Variants in RMI1 observed in about 807,000 individuals in gnomAD.
RMI1 encodes the protein recQ-mediated genome instability protein 1.
A neutral mutation model predicts 46.7 loss-of-function variants in RMI1; 36 were observed. That is an observed-to-expected ratio of 0.77 (90% confidence interval 0.59 to 1.02). The LOEUF is 1.02. Ranked by LOEUF, RMI1 falls within the 50% of genes least tolerant of loss-of-function variation. The pLI, the probability that RMI1 is intolerant of heterozygous loss-of-function variation, is 0.00. For missense variants in RMI1, 676 were observed against 713.7 expected, an observed-to-expected ratio of 0.95 and a Z score of 0.60; for synonymous variants, 250 against 252.9, an observed-to-expected ratio of 0.99 and a Z score of 0.11.
intron 1 of RMI1, among the ~76,000 whole-genome samples, chr9:83,987,649 A>G (rs1475525343): frequency 6.6e-6 from 1 of 152,146 alleles, no homozygotes; most frequent in African/African-American, 2.4e-5. Context: ...TGCCCCTTGT[A>G]GTCAACCTCT....
intron 1 of RMI1, among the ~76,000 whole-genome samples, chr9:83,988,702 G>A (rs184421656): frequency 6.6e-6 from 1 of 152,272 alleles, no homozygotes; most frequent in East Asian, 1.9e-4. Context: ...ACTTGGTATT[G>A]TCAGTTATTT....
chr9:83,992,326 G>A (rs747514351), intron 1 of RMI1, among the ~76,000 whole-genome samples: 5 of 152,150 alleles, frequency 3.3e-5, no homozygotes, highest in Non-Finnish European at 7.4e-5. Context: ...ACAGCCAACA[G>A]TGCTGTAACT....
intron 1 of RMI1, among the ~76,000 whole-genome samples, chr9:83,994,710 G>C (rs914777372): frequency 1.6e-4 from 25 of 152,012 alleles, no homozygotes; most frequent in Non-Finnish European, 3.5e-4. Context: ...GTAGAGATGG[G>C]GTTTTGTCAT....
Position 84,001,089 on chromosome 9 carries a change from C to T in RMI1, c.103C>T (p.Gln35Ter). The change falls in exon 3 of 3, where the codon CAA becomes TAA. Residue 35 changes from glutamine (Q) to a stop codon, truncating the protein, a stop_gained. Coordinates refer to ENST00000445877, the MANE Select transcript of RMI1 (RefSeq NM_001358291.2). LOFTEE classifies it high-confidence loss of function. The part of the protein sequence containing the change: ...MWLEACINWI[Q>*]EENNNVNLSQ... ...GCTGGAAGCTTGTATTAACTGGATTCAAGAAGAAAATAATAATGTTAACTT... is the reference window on the plus strand; with the variant it reads ...GCTGGAAGCTTGTATTAACTGGATTTAAGAAGAAAATAATAATGTTAACTT... The T allele has an allele frequency of 6.2e-7, 1 of 1,614,018 alleles. No individual in the cohort carries two copies. The highest frequency in any genetic ancestry group is 8.5e-7 in the Non-Finnish European group (1 of 1,179,966).
chr9:83,994,303 G>A (rs1185883298), intron 1 of RMI1, among the ~76,000 whole-genome samples: 2 of 152,068 alleles, frequency 1.3e-5, no homozygotes, highest in Non-Finnish European at 1.5e-5. Context: ...TCAGTTTGAT[G>A]TAGTCCCATT....
intron 1 of RMI1, among the ~76,000 whole-genome samples, chr9:83,988,240 C>T (rs1957520629): frequency 6.6e-6 from 1 of 152,128 alleles, no homozygotes; most frequent in African/African-American, 2.4e-5. Context: ...AAATACCTTG[C>T]AGTTGCATTG....
intron 1 of RMI1, among the ~76,000 whole-genome samples, chr9:83,988,762 C>T (rs1042305056): frequency 1.5e-4 from 23 of 152,156 alleles, no homozygotes; most frequent in African/African-American, 4.8e-4. Context: ...TTTTGCATTT[C>T]CCTGATGTCT....
Position 84,001,384 on chromosome 9 carries a change from G to A in RMI1, c.398G>A (p.Arg133Gln), listed in dbSNP as rs746682840. The change falls in exon 3 of 3, where the codon CGA (arginine) becomes CAA (glutamine). Residue 133 changes from arginine (R) to glutamine (Q), a missense_variant. Arg to Gln is a conservative substitution (Grantham distance 43). Transcript: ENST00000445877. Reference sequence around the variant, plus strand: ...AAACCTTGGGAAGCAAAGCCTTCACGAATGTTGATGCTGCAGCTAACTGAT... The same window carrying A: ...AAACCTTGGGAAGCAAAGCCTTCACAAATGTTGATGCTGCAGCTAACTGAT... ...TPKPWEAKPS[R>Q]MLMLQLTDGI... is the part of the protein sequence containing the mutation. The A allele has an allele frequency of 5.6e-5, 90 of 1,614,000 alleles. No homozygotes were observed. The highest frequency in any genetic ancestry group is 7.0e-5 in the Non-Finnish European group (83 of 1,180,012).
rs1409542106 is a variant in RMI1 at position 84,001,488 on chromosome 9, T to C, written c.502T>C (p.Leu168=). The change falls in exon 3 of 3, where the codon TTG becomes CTG. Residue 168 remains leucine (L), a synonymous_variant. Transcript: ENST00000445877. ...HSDLPPGTKI[L]IYGNISFRLG... ...TGATCTTCCTCCAGGTACAAAAATT[T>C]TGATTTATGGAAATATATCTTTCCG... 5 of 1,614,000 alleles carry C rather than the reference T, an allele frequency of 3.1e-6. No individual in the cohort carries two copies. In the South Asian group the frequency reaches 5.5e-5, roughly 18 times the overall value.
intron 1 of RMI1, among the ~76,000 whole-genome samples, chr9:83,993,208 C>G (rs1030315143): frequency 6.6e-6 from 1 of 152,156 alleles, no homozygotes; most frequent in Non-Finnish European, 1.5e-5. Flanking sequence ...TTTCTGTGTG[C>G]TTGATTATAT....
intron 1 of RMI1, among the ~76,000 whole-genome samples, chr9:83,986,055 TTAAAAAAAAA>T (rs1339208258): frequency 6.6e-6 from 1 of 152,014 alleles, no homozygotes; most frequent in Non-Finnish European, 1.5e-5. Context: ...AAGTTTGGAA[TTAAAAAAAAA>T]TTAAAAAATA....
At chr9:83,983,021 A>C (rs1197747969) in intron 1 of RMI1, among the ~76,000 whole-genome samples, 18 of 152,228 alleles carry the variant, frequency 1.2e-4, no homozygotes, top group Non-Finnish European at 8.8e-5. Context: ...GACTCAGTGA[A>C]TTTAGACCCA....
rs1295186336 is a variant in RMI1 at position 84,002,066 on chromosome 9, T to C, written c.1080T>C (p.Asn360=). The C allele has an allele frequency of 6.2e-7, 1 of 1,613,814 alleles. No homozygotes were observed. ...ERFSHNPNTT[N]NFSLTCKNGN... ...TTTCACATAATCCTAATACTACGAATAACTTTTCTTTGACTTGCAAAAATG... is the reference window on the plus strand; with the variant it reads ...TTTCACATAATCCTAATACTACGAACAACTTTTCTTTGACTTGCAAAAATG... Residue 360 remains asparagine (N), a synonymous_variant, in exon 3 of 3, where the codon AAT becomes AAC. Coordinates refer to ENST00000445877, the MANE Select transcript of RMI1 (RefSeq NM_001358291.2).
At chr9:84,000,269 G>T (rs1957718681) in intron 2 of RMI1, among the ~76,000 whole-genome samples, 1 of 152,148 alleles carries the variant, frequency 6.6e-6, no homozygotes, top group African/African-American at 2.4e-5. Flanking sequence ...TGTGGTTTCA[G>T]TTATCTGCAG....
intron 1 of RMI1, among the ~76,000 whole-genome samples, chr9:83,987,082 C>A (rs558495658): frequency 1.3e-5 from 2 of 151,426 alleles, no homozygotes; most frequent in Admixed American, 6.6e-5. Flanking sequence ...CCTTCGCTTT[C>A]CGATGGAGTC....
intron 1 of RMI1, among the ~76,000 whole-genome samples, chr9:83,990,962 C>G (rs1474675675): frequency 6.6e-6 from 1 of 152,002 alleles, no homozygotes; most frequent in African/African-American, 2.4e-5. Flanking sequence ...CGTGTCCCAC[C>G]ATGCCCAACT....
chr9:83,983,276 A>G (rs574186147), intron 1 of RMI1, among the ~76,000 whole-genome samples: 2 of 152,228 alleles, frequency 1.3e-5, no homozygotes, highest in Non-Finnish European at 2.9e-5. Flanking sequence ...CCAAGGTCAC[A>G]TAGCAAAATG....
chr9:83,990,696 A>G (rs988599562), intron 1 of RMI1, among the ~76,000 whole-genome samples: 6 of 152,208 alleles, frequency 3.9e-5, no homozygotes, highest in African/African-American at 1.4e-4. Flanking sequence ...TACACACTGT[A>G]TGTATGTATC....
At chr9:83,995,513 C>T (rs111560859) in intron 1 of RMI1, among the ~76,000 whole-genome samples, 5,072 of 151,666 alleles carry the variant, frequency 0.033, 266 homozygotes, top group African/African-American at 0.11. Flanking sequence ...CTGCAACCTC[C>T]GCCTCCCGGG....
Sources: gnomAD v4.1 joint callset for allele counts (sites outside exome capture counted in the v4.1 genomes callset) on GRCh38, gnomAD v4.1.1 for gene constraint, MANE v1.5 for transcripts, NCBI Gene and HGNC (gene_info 2026-07-23, HGNC 2026-07-21) for gene names.